CLVS1: variants seen among roughly 807,000 people sequenced by gnomAD.
The protein encoded by CLVS1 is clavesin 1.
In CLVS1, 10 loss-of-function variants were observed where a neutral mutation model predicts 33.1. The observed-to-expected ratio is 0.30, with a 90% CI of 0.19 to 0.51. The LOEUF is 0.51. Among genes scored for constraint, CLVS1 ranks in the 20% least tolerant of loss-of-function variants. The pLI, the probability that CLVS1 is intolerant of heterozygous loss-of-function variation, is 0.97. For synonymous variants in CLVS1, 163 were observed against 166.1 expected (o/e 0.98, Z 0.14); for missense variants, 343 against 433.4 (o/e 0.79, Z 1.85).
At chr8:61,325,604 G>C (rs567307705) in intron 2 of CLVS1, among the ~76,000 whole-genome samples, 6 of 152,312 alleles carry the variant, frequency 3.9e-5, no homozygotes, top group African/African-American at 1.4e-4. Context: ...GATAGCTGCT[G>C]TGTGGCAACA....
At position 61,299,629 on chromosome 8, in the gene CLVS1, C is replaced by G. The variant is rs774940994; in HGVS notation, c.-151-48C>G. 4 of 553,276 alleles carry G rather than the reference C, an allele frequency of 7.2e-6. No individual in the cohort carries two copies. The African/African-American group carries it at 7.6e-5, about 10-fold the overall frequency. 34.3% of individuals were successfully genotyped at this position (553,276 alleles called of 1,614,324 possible). On this transcript the variant is annotated intron_variant, in intron 1 of 5. Transcript: ENST00000325897. ...GCTCCAATTAATTTGCCCAGACTTT[C>G]TTTGTATCATCTCTCTTCTGTTTCT... is the stretch of plus-strand genomic sequence containing the variant.
At chr8:61,011,155 C>T in the CLVS1 span, among the ~76,000 whole-genome samples, 1 of 152,182 alleles carries the variant, frequency 6.6e-6, no homozygotes, top group East Asian at 1.9e-4. Flanking sequence ...AGTCCAGCTA[C>T]TGGGGGAAGC....
chr8:61,388,294 A>T (rs1204748582), intron 3 of CLVS1, among the ~76,000 whole-genome samples: 1 of 150,510 alleles, frequency 6.6e-6, no homozygotes, highest in African/African-American at 2.4e-5. Flanking sequence ...CACTTATGTC[A>T]TGGTGTTCCT....
At chr8:61,028,035 G>A in the CLVS1 span, among the ~76,000 whole-genome samples, 7 of 152,214 alleles carry the variant, frequency 4.6e-5, no homozygotes, top group Non-Finnish European at 8.8e-5. Context: ...TGAATGTGGT[G>A]TAAAAATATG....
chr8:61,274,325 T>A (rs879943128), intron 2 of CLVS1, among the ~76,000 whole-genome samples: 1 of 152,192 alleles, frequency 6.6e-6, no homozygotes, highest in Non-Finnish European at 1.5e-5. Flanking sequence ...TGACTTTTTA[T>A]ATTCCCTGCA....
Position 61,314,241 on chromosome 8 carries a change from G to A in CLVS1, c.455+13959G>A, listed in dbSNP as rs1332200064. Reference sequence around the variant, plus strand: ...ATTCTGGTGAATCTCATGATTTTCCGAGGAGTTAGTCCGTCCTATAATTTT... The same window carrying A: ...ATTCTGGTGAATCTCATGATTTTCCAAGGAGTTAGTCCGTCCTATAATTTT... On this transcript the variant is annotated intron_variant, in intron 2 of 5. Coordinates refer to ENST00000325897, the MANE Select transcript of CLVS1 (RefSeq NM_173519.3). Among the ~76,000 whole-genome samples, 8 of 150,034 alleles carry A rather than the reference G, an allele frequency of 5.3e-5. No homozygotes were observed. In the East Asian group the frequency reaches 7.9e-4, roughly 15 times the overall value.
At chr8:61,365,941 C>T (rs1170948156) in intron 2 of CLVS1, among the ~76,000 whole-genome samples, 2 of 152,146 alleles carry the variant, frequency 1.3e-5, no homozygotes, top group Non-Finnish European at 2.9e-5. Context: ...AACGGAAGTG[C>T]TTAAACCAAT....
the CLVS1 span, among the ~76,000 whole-genome samples, chr8:61,005,704 C>G: frequency 6.6e-6 from 1 of 152,238 alleles, no homozygotes; most frequent in African/African-American, 2.4e-5. Flanking sequence ...CTTATTAACC[C>G]GAGCATAATG....
At chr8:61,348,345 G>A (rs1017922877) in intron 2 of CLVS1, among the ~76,000 whole-genome samples, 1 of 136,788 alleles carries the variant, frequency 7.3e-6, no homozygotes, top group Non-Finnish European at 1.6e-5. Flanking sequence ...GTGGGGGGAG[G>A]GGGGAGGGAT....
intron 2 of CLVS1, among the ~76,000 whole-genome samples, chr8:61,270,442 C>T (rs1053667436): frequency 2.6e-5 from 4 of 152,166 alleles, no homozygotes; most frequent in African/African-American, 7.2e-5. Context: ...ATTTTTGCAT[C>T]AATGTTCATC....
intron 3 of CLVS1, among the ~76,000 whole-genome samples, chr8:61,449,632 C>T (rs1056640553): frequency 2.0e-5 from 3 of 152,172 alleles, no homozygotes; most frequent in Non-Finnish European, 4.4e-5. Context: ...TGTTACTAGT[C>T]ATTTCATTAA....
chr8:61,033,143 G>GAA, the CLVS1 span, among the ~76,000 whole-genome samples: 1 of 117,610 alleles, frequency 8.5e-6, no homozygotes, highest in Non-Finnish European at 1.9e-5. Flanking sequence ...AAGAAAGAAA[G>GAA]AAAGAAAGAA....
intron 2 of CLVS1, among the ~76,000 whole-genome samples, chr8:61,156,578 T>G (rs1806654384): frequency 6.6e-6 from 1 of 152,234 alleles, no homozygotes; most frequent in African/African-American, 2.4e-5. Context: ...GTTTTGTTTC[T>G]TTTTGAGTTT....
chr8:60,996,789 GAGGCTTTCA>G, the CLVS1 span, among the ~76,000 whole-genome samples: 17,312 of 152,062 alleles, frequency 0.11, 1,463 homozygotes, highest in East Asian at 0.39. Flanking sequence ...GAAGCACACA[GAGGCTTTCA>G]AGCCCTGCGC....
At chr8:61,423,030 G>C (rs558268985) in intron 3 of CLVS1, among the ~76,000 whole-genome samples, 1 of 152,038 alleles carries the variant, frequency 6.6e-6, no homozygotes, top group Non-Finnish European at 1.5e-5. Flanking sequence ...TAGACTTCAG[G>C]GTCCACTGAT....
the CLVS1 span, among the ~76,000 whole-genome samples, chr8:60,986,800 A>G: frequency 6.6e-6 from 1 of 152,216 alleles, no homozygotes; most frequent in Non-Finnish European, 1.5e-5. Context: ...CTTATGGGTA[A>G]CATCGTACTG....
intron 1 of CLVS1, among the ~76,000 whole-genome samples, chr8:61,062,611 G>A (rs1346251760): frequency 2.0e-5 from 3 of 152,228 alleles, no homozygotes; most frequent in South Asian, 2.1e-4. Context: ...GGTATTGAGC[G>A]ATAAGGAAGT....
At chr8:61,182,712 G>A (rs1807262877) in intron 2 of CLVS1, among the ~76,000 whole-genome samples, 1 of 151,900 alleles carries the variant, frequency 6.6e-6, no homozygotes, top group African/African-American at 2.4e-5. Context: ...ATGTAAATTA[G>A]TTCAATCATT....
At chr8:61,489,052 A>G (rs922633475) in intron 5 of CLVS1, among the ~76,000 whole-genome samples, 1 of 152,230 alleles carries the variant, frequency 6.6e-6, no homozygotes, top group Non-Finnish European at 1.5e-5. Flanking sequence ...ATCTTGAAGT[A>G]TTATTAAATA....
Sources: gnomAD v4.1 joint callset for allele counts (sites outside exome capture counted in the v4.1 genomes callset) on GRCh38, gnomAD v4.1.1 for gene constraint, MANE v1.5 for transcripts, NCBI Gene and HGNC (gene_info 2026-07-23, HGNC 2026-07-21) for gene names.